COX10: variants seen among roughly 807,000 people sequenced by gnomAD.
The protein encoded by COX10 is protoheme IX farnesyltransferase, mitochondrial.
Under a neutral mutation model 37.3 loss-of-function variants are expected in COX10, and 27 were observed. That is an observed-to-expected ratio of 0.72 (90% CI 0.53 to 1.00). The LOEUF is 1.00. Ranked by LOEUF, COX10 falls within the 50% of genes least tolerant of loss-of-function variation. The pLI, the probability that COX10 is intolerant of heterozygous loss-of-function variation, is 0.00. For synonymous variants in COX10, 222 were observed against 229.1 expected (o/e 0.97, Z 0.28); for missense variants, 475 against 563.2 (o/e 0.84, Z 1.59).
chr17:14,089,445 A>T (rs1915477518), intron 3 of COX10, among the ~76,000 whole-genome samples: 1 of 152,182 alleles, frequency 6.6e-6, no homozygotes, highest in African/African-American at 2.4e-5. Context: ...GTTGGGTTAT[A>T]TGTAGTCAGT....
chr17:14,095,384 A>G (rs1003863712), intron 3 of COX10, among the ~76,000 whole-genome samples: 3 of 152,148 alleles, frequency 2.0e-5, no homozygotes, highest in Admixed American at 6.6e-5. Context: ...CACTGTTGCC[A>G]TCCTACCCAG....
chr17:14,095,258 T>G (rs1007232606), intron 3 of COX10, among the ~76,000 whole-genome samples: 2 of 152,156 alleles, frequency 1.3e-5, no homozygotes, highest in Non-Finnish European at 2.9e-5. Context: ...TCTTTGACCT[T>G]TTTGGATTTG....
intron 3 of COX10, among the ~76,000 whole-genome samples, chr17:14,082,889 A>T (rs1452644545): frequency 6.6e-6 from 1 of 152,192 alleles, no homozygotes; most frequent in East Asian, 1.9e-4. Context: ...GATGATTCTG[A>T]TGCAGGTGGT....
intron 6 of COX10, among the ~76,000 whole-genome samples, chr17:14,198,466 G>A (rs1239333094): frequency 2.6e-5 from 4 of 152,144 alleles, no homozygotes; most frequent in Non-Finnish European, 5.9e-5. Flanking sequence ...GGGAGTGTAT[G>A]GATTGGGCCT....
At position 14,192,033 on chromosome 17, in the gene COX10, G is replaced by T; in HGVS notation, c.740G>T (p.Gly247Val). ...VSFATCCAVP[G>V]VAILTLGVNP... is the part of the protein sequence containing the mutation. ...TTTGCCACTTGTTGTGCTGTTCCGG[G>T]AGTTGCCATTCTGACCTTGGGGGTG... is the stretch of plus-strand genomic sequence containing the variant. The change falls in exon 6 of 7, where the codon GGA (glycine) becomes GTA (valine). Residue 247 changes from glycine to valine, a missense_variant. Gly to Val is a moderately radical substitution (Grantham distance 109). This residue lies in a region of COX10 where 54 missense variants were observed against 70.6 expected (regional missense o/e 0.76). Transcript: ENST00000261643. 6.2e-7 allele frequency: 1 copy of T among 1,614,148 alleles called. No homozygotes were observed. Among genetic ancestry groups the T allele is most frequent in the Non-Finnish European group, 8.5e-7 (1 of 1,180,032 alleles).
In COX10 at chr17:14,192,090, A is replaced by G. The variant is rs373227977; in HGVS notation, c.797A>G (p.Asn266Ser). ...NPLTGALGLF[N>S]IFLYTCCYTP... Reference sequence around the variant, plus strand: ...CTCACAGGAGCCCTGGGGCTCTTCAACATTTTCCTGTATACCTGCTGCTAC... The same window carrying G: ...CTCACAGGAGCCCTGGGGCTCTTCAGCATTTTCCTGTATACCTGCTGCTAC... Residue 266 changes from asparagine (N) to serine (S), a missense_variant, in exon 6 of 7, where the codon AAC (asparagine) becomes AGC (serine). Coordinates refer to ENST00000261643, the MANE Select transcript of COX10 (RefSeq NM_001303.4). 4 of 1,614,082 alleles carry G rather than the reference A, an allele frequency of 2.5e-6. No homozygotes were observed. In the African/African-American group the frequency reaches 4.0e-5, roughly 16 times the overall value.
intron 3 of COX10, among the ~76,000 whole-genome samples, chr17:14,087,616 G>A (rs1915438475): frequency 6.6e-6 from 1 of 151,928 alleles, no homozygotes; most frequent in Non-Finnish European, 1.5e-5. Context: ...GCATTTACTG[G>A]TTTAGCAGTT....
At chr17:14,074,498 T>TTA in intron 2 of COX10, 42 bp downstream of exon 2, 1 of 1,579,870 alleles carries the variant, frequency 6.3e-7, no homozygotes, top group East Asian at 2.2e-5. Flanking sequence ...CTTTCTGCCT[T>TTA]TTTCTCTGTT....
At chr17:14,095,103 T>G (rs1915615096) in intron 3 of COX10, among the ~76,000 whole-genome samples, 1 of 152,232 alleles carries the variant, frequency 6.6e-6, no homozygotes, top group African/African-American at 2.4e-5. Flanking sequence ...GAAGGAACTG[T>G]CGAACAGCTA....
intron 3 of COX10, among the ~76,000 whole-genome samples, chr17:14,081,748 G>A (rs1915299109): frequency 6.6e-6 from 1 of 152,184 alleles, no homozygotes; most frequent in South Asian, 2.1e-4. Flanking sequence ...CCTAGTACAT[G>A]TCAAAAACTA....
chr17:14,103,101 T>A (rs562031159), intron 4 of COX10, among the ~76,000 whole-genome samples: 1 of 151,590 alleles, frequency 6.6e-6, no homozygotes, highest in African/African-American at 2.4e-5. Context: ...TTCAAATAAG[T>A]TTTTTTGTTG....
At chr17:14,180,626 G>C (rs989228038) in intron 5 of COX10, among the ~76,000 whole-genome samples, 1 of 152,120 alleles carries the variant, frequency 6.6e-6, no homozygotes, top group African/African-American at 2.4e-5. Flanking sequence ...ATCAGAAAAT[G>C]CCCAGATATT....
chr17:14,071,533 T>G (rs530656278), intron 1 of COX10, among the ~76,000 whole-genome samples: 10 of 151,904 alleles, frequency 6.6e-5, no homozygotes, highest in Non-Finnish European at 1.3e-4. Flanking sequence ...AGTGATCGAG[T>G]AGTATCATGC....
At chr17:14,114,901 G>T (rs1916077489) in intron 4 of COX10, among the ~76,000 whole-genome samples, 1 of 152,026 alleles carries the variant, frequency 6.6e-6, no homozygotes, top group African/African-American at 2.4e-5. Flanking sequence ...ATCTTTTCTA[G>T]AATTTTGACA....
At chr17:14,144,204 G>A (rs764524759) in intron 4 of COX10, among the ~76,000 whole-genome samples, 6 of 151,990 alleles carry the variant, frequency 3.9e-5, no homozygotes, top group Non-Finnish European at 8.8e-5. Flanking sequence ...TTAGTATGTG[G>A]TATAACCTTT....
chr17:14,201,898 T>C (rs1906551657), intron 6 of COX10, among the ~76,000 whole-genome samples: 1 of 152,154 alleles, frequency 6.6e-6, no homozygotes, highest in African/African-American at 2.4e-5. Context: ...CTCTTACCAG[T>C]CACTTTAAAA....
chr17:14,159,958 G>A lies in COX10; in HGVS notation c.695+11G>A, dbSNP rs201826759. ...TCGTGGACAGATCAGGTAAAATCAC[G>A]AATACAAGTGTCTTCCACATTATAA... On this transcript the variant is annotated intron_variant, in intron 5 of 6. Coordinates refer to ENST00000261643, the MANE Select transcript of COX10 (RefSeq NM_001303.4). The A allele has an allele frequency of 1.2e-5, 20 of 1,603,824 alleles. No homozygotes were observed. In the East Asian group the frequency reaches 1.6e-4, roughly 13 times the overall value.
intron 5 of COX10, among the ~76,000 whole-genome samples, chr17:14,164,678 C>CA (rs1451957458): frequency 2.0e-5 from 3 of 152,198 alleles, no homozygotes; most frequent in South Asian, 4.1e-4. Flanking sequence ...AAGCCATAGA[C>CA]AAAATGGCAA....
rs1904847371 is a variant in COX10, at chr17:14,150,145, C to T, written c.625-9732C>T. ...AAACTTAGCCGGGTTTGGTGGCATGCACCTGTGGTCCCAGCTACTTGGGAG... is the reference window on the plus strand; with the variant it reads ...AAACTTAGCCGGGTTTGGTGGCATGTACCTGTGGTCCCAGCTACTTGGGAG... On this transcript the variant is annotated intron_variant, in intron 4 of 6. Transcript: ENST00000261643. Among the ~76,000 whole-genome samples, 3 of 151,994 alleles carry T rather than the reference C, an allele frequency of 2.0e-5. No homozygotes were observed. The South Asian group carries it at 6.2e-4, about 32-fold the overall frequency.
Sources: allele counts gnomAD v4.1 joint callset (sites outside exome capture counted in the v4.1 genomes callset), GRCh38; gene constraint gnomAD v4.1.1; regional missense constraint gnomAD v4.1.1; transcripts MANE v1.5; gene names NCBI Gene and HGNC (gene_info 2026-07-23, HGNC 2026-07-21).